The following EPB41L4A variants were observed in gnomAD, a reference collection of about 807,000 sequenced individuals.
EPB41L4A encodes erythrocyte membrane protein band 4.1 like 4A, also known as band 4.1-like protein 4A.
A neutral mutation model predicts 108.6 loss-of-function variants in EPB41L4A; 100 were observed. The ratio of observed to expected loss-of-function variants is 0.92; its 90% confidence interval spans 0.78 to 1.09. The LOEUF is 1.09. Ranked by LOEUF, EPB41L4A falls within the 50% of genes least tolerant of loss-of-function variation. The probability of loss-of-function intolerance (pLI) is 0.00; values close to 1 mark genes in which losing one functional copy is unlikely to be tolerated. For synonymous variants in EPB41L4A, 319 were observed against 289.0 expected, an observed-to-expected ratio of 1.10 and a Z score of -1.05; for missense variants, 1,030 against 842.7, an observed-to-expected ratio of 1.22 and a Z score of -2.75.
chr5:112,402,334 A>T (rs1580840069), intron 1 of EPB41L4A, among the ~76,000 whole-genome samples: 1 of 150,328 alleles, frequency 6.7e-6, no homozygotes, highest in Non-Finnish European at 1.5e-5. Context: ...GAGCCAATTA[A>T]ACCTTTTTTT....
intron 13 of EPB41L4A, among the ~76,000 whole-genome samples, chr5:112,208,062 C>A (rs60003028): frequency 0.056 from 8,537 of 152,054 alleles, 623 homozygotes; most frequent in African/African-American, 0.17. Context: ...CCTGGCCAAC[C>A]TGGTAAAACC....
rs769240458 is a variant in EPB41L4A at position 112,170,958 on chromosome 5, A to G, written c.1657T>C (p.Trp553Arg). 5 of 1,613,722 alleles carry G rather than the reference A, an allele frequency of 3.1e-6. No homozygotes were observed. The highest frequency in any genetic ancestry group is 1.3e-5 in the African/African-American group (1 of 75,040). The change falls in exon 19 of 23, where the codon TGG (tryptophan) becomes CGG (arginine). Residue 553 changes from tryptophan to arginine, a missense_variant. Coordinates refer to ENST00000261486, the MANE Select transcript of EPB41L4A (RefSeq NM_022140.5). ...SPDIQAKEEL[W>R]KHIQKELVDP... is the part of the protein sequence containing the mutation. ...ACTATTACTCACTGAATGTGCTTCC[A>G]TAACTCTTCTTTTGCTTGGATATCG...
rs561328868 is a variant in EPB41L4A at position 112,346,216 on chromosome 5, ATT to A, written c.100-38728_100-38727del. ...AATTCTTTAAAGTTAGGTACATTGC[ATT>A]TTTTTTTTTTTTTTTTTTTTTTTTT... On this transcript the variant is annotated intron_variant, in intron 1 of 22. Transcript: ENST00000261486. Among the ~76,000 whole-genome samples, 308 of 67,288 alleles carry A rather than the reference ATT, an allele frequency of 4.6e-3. 1 individual carries two copies. The highest frequency in any genetic ancestry group is 4.9e-3 in the African/African-American group (117 of 23,954). The allele number at this position is 67,288 out of a possible 152,430, so 44.1% of individuals were successfully genotyped here.
chr5:112,359,977 C>T (rs577093430), intron 1 of EPB41L4A, among the ~76,000 whole-genome samples: 3 of 152,284 alleles, frequency 2.0e-5, no homozygotes, highest in African/African-American at 2.4e-5. Flanking sequence ...TAATTACTGA[C>T]GTGTATGTGC....
At chr5:112,385,861 A>G (rs1017815672) in intron 1 of EPB41L4A, among the ~76,000 whole-genome samples, 3 of 152,234 alleles carry the variant, frequency 2.0e-5, no homozygotes, top group African/African-American at 7.2e-5. Flanking sequence ...AATCGGTAGG[A>G]TGTTTCTGGA....
rs111502535 is a variant in EPB41L4A, at chr5:112,322,699, G to GACACAC, written c.100-15215_100-15210dup. On this transcript the variant is annotated intron_variant, in intron 1 of 22. Transcript: ENST00000261486. ...GACGGCTTATAGCCATCCACTATGA[G>GACACAC]ACACACACACACACACACACACACA... 4.8e-3 allele frequency among the ~76,000 whole-genome samples: 695 copies of GACACAC among 145,952 alleles called. 2 individuals carry two copies. The highest frequency in any genetic ancestry group is 6.9e-3 in the Middle Eastern group (2 of 290).
At chr5:112,165,239 A>G (rs1000093771) in intron 22 of EPB41L4A, 121 bp from the exon 23 acceptor site, 9 of 732,042 alleles carry the variant, frequency 1.2e-5, no homozygotes, top group South Asian at 5.8e-5. Context: ...CAAAAGTTTC[A>G]TAATACCAAA....
At chr5:112,254,972 G>T (rs1015878226) in intron 9 of EPB41L4A, among the ~76,000 whole-genome samples, 1 of 152,062 alleles carries the variant, frequency 6.6e-6, no homozygotes, top group Non-Finnish European at 1.5e-5. Flanking sequence ...TAGCCCTCGA[G>T]GGATGGCTGT....
chr5:112,222,399 C>T (rs1167312592), intron 12 of EPB41L4A, among the ~76,000 whole-genome samples: 1 of 152,198 alleles, frequency 6.6e-6, no homozygotes, highest in African/African-American at 2.4e-5. Flanking sequence ...GTTTCCATGC[C>T]TCAGTTTCCT....
chr5:112,352,784 A>G (rs1758127331), intron 1 of EPB41L4A, among the ~76,000 whole-genome samples: 1 of 152,182 alleles, frequency 6.6e-6, no homozygotes, highest in African/African-American at 2.4e-5. Flanking sequence ...ACCTTCTTCA[A>G]TATCACTACA....
downstream of EPB41L4A, chr5:112,162,517 G>T (rs1759969590): frequency 6.6e-6 from 1 of 152,174 alleles, no homozygotes; most frequent in Admixed American, 6.5e-5. Context: ...CTAGTGACAG[G>T]TGTGCTTTAC....
At chr5:112,345,871 T>C (rs1230071468) in intron 1 of EPB41L4A, among the ~76,000 whole-genome samples, 1 of 152,036 alleles carries the variant, frequency 6.6e-6, no homozygotes, top group South Asian at 2.1e-4. Flanking sequence ...TTTCTTGTTA[T>C]ACTACTACAT....
At position 112,165,294 on chromosome 5, in the gene EPB41L4A, G is replaced by A. The variant is rs143889091; in HGVS notation, c.1933-176C>T. On this transcript the variant is annotated intron_variant, in intron 22 of 22. Coordinates refer to ENST00000261486, the MANE Select transcript of EPB41L4A (RefSeq NM_022140.5). The stretch of plus-strand genomic sequence containing the variant: ...CCTCTAAATAGCTGTGCAAAATAAA[G>A]TTTGTATTTAAACTTTAATATACAA... Among the ~76,000 whole-genome samples the A allele has an allele frequency of 2.8e-3, 430 of 152,184 alleles. 1 individual carries two copies. Among genetic ancestry groups the A allele is most frequent in the African/African-American group, 9.9e-3 (413 of 41,518 alleles).
At chr5:112,174,020 T>TA (rs1403154918) in intron 18 of EPB41L4A, among the ~76,000 whole-genome samples, 1 of 152,214 alleles carries the variant, frequency 6.6e-6, no homozygotes, top group Admixed American at 6.5e-5. Context: ...TTGAAGAGTT[T>TA]AGTCTTTATT....
intron 12 of EPB41L4A, among the ~76,000 whole-genome samples, chr5:112,211,699 T>C (rs1023564748): frequency 5.3e-5 from 8 of 152,090 alleles, no homozygotes; most frequent in Non-Finnish European, 1.2e-4. Context: ...CCCTCAAAGT[T>C]GGCAAGTTTC....
rs144000737 is a variant in EPB41L4A at position 112,347,397 on chromosome 5, C to G, written c.100-39907G>C. On this transcript the variant is annotated intron_variant, in intron 1 of 22. Transcript: ENST00000261486. ...TAACTGAGGAACATGCTGGCAATTC[C>G]CCAGTGTTGATCATTCATATCTGCT... Among the ~76,000 whole-genome samples, 374 of 152,228 alleles carry G rather than the reference C, an allele frequency of 2.5e-3. 2 individuals are homozygous for G. Among genetic ancestry groups the G allele is most frequent in the African/African-American group, 8.4e-3 (348 of 41,522 alleles).
At chr5:112,214,490 G>A (rs113582446) in intron 12 of EPB41L4A, among the ~76,000 whole-genome samples, 24,244 of 151,328 alleles carry the variant, frequency 0.16, 2,013 homozygotes, top group Non-Finnish European at 0.17. Context: ...GCAGCCGGGC[G>A]CGGCGGCTCA....
chr5:112,229,741 C>T (rs921798708), intron 12 of EPB41L4A, among the ~76,000 whole-genome samples: 1 of 152,192 alleles, frequency 6.6e-6, no homozygotes, highest in African/African-American at 2.4e-5. Flanking sequence ...GTAATCCCAG[C>T]ACTTTCGGAG....
At chr5:112,245,915 AG>A (rs1750178794) in intron 9 of EPB41L4A, among the ~76,000 whole-genome samples, 2 of 152,260 alleles carry the variant, frequency 1.3e-5, no homozygotes, top group African/African-American at 4.8e-5. Context: ...CAAGTGACCC[AG>A]AAAAGTCAAA....
Sources: gnomAD v4.1 joint callset for allele counts (sites outside exome capture counted in the v4.1 genomes callset) on GRCh38, gnomAD v4.1.1 for gene constraint, MANE v1.5 for transcripts, NCBI Gene and HGNC (gene_info 2026-07-23, HGNC 2026-07-21) for gene names.